SSMEM1: variants seen among roughly 807,000 people sequenced by gnomAD.
SSMEM1 encodes serine-rich single-pass membrane protein 1.
In SSMEM1, 12 loss-of-function variants were observed where a neutral mutation model predicts 9.9. The ratio of observed to expected loss-of-function variants is 1.21; its 90% CI spans 0.78 to 1.96. The LOEUF (loss-of-function observed/expected upper bound fraction) is 1.96. Among genes scored for constraint, SSMEM1 ranks in the 30% most tolerant of loss-of-function variants. The probability of loss-of-function intolerance (pLI) is 0.00; values close to 1 mark genes in which losing one functional copy is unlikely to be tolerated. For synonymous variants in SSMEM1, 96 were observed against 98.9 expected, an observed-to-expected ratio of 0.97 and a Z score of 0.17; for missense variants, 259 against 292.2, an observed-to-expected ratio of 0.89 and a Z score of 0.83.
upstream of SSMEM1, chr7:130,206,983 TAAAA>T (rs530574772): frequency 1.5e-4 from 17 of 109,836 alleles, no homozygotes; most frequent in South Asian, 2.2e-3. Flanking sequence ...GAGACCCTGC[TAAAA>T]AAAAAAAAAA....
rs182597993 is a variant in SSMEM1, at chr7:130,208,864, T to C, written c.183+771T>C. Among the ~76,000 whole-genome samples the C allele has an allele frequency of 2.6e-4, 40 of 151,840 alleles. 1 individual carries two copies. On this transcript the variant is annotated intron_variant, in intron 1 of 2. Transcript: ENST00000297819. ...TCCAACATATTATGAGTAACCAAGC[T>C]CTTTTTTTTTTTTCTTGAGATGGAG...
At chr7:130,212,698 C>A (rs1202830219) in intron 1 of SSMEM1, among the ~76,000 whole-genome samples, 1 of 151,384 alleles carries the variant, frequency 6.6e-6, no homozygotes, top group Non-Finnish European at 1.5e-5. Flanking sequence ...GTACTCTAGC[C>A]TGGGCATACA....
intron 1 of SSMEM1, among the ~76,000 whole-genome samples, chr7:130,213,273 G>A (rs766473199): frequency 1.3e-5 from 2 of 151,984 alleles, no homozygotes; most frequent in Non-Finnish European, 1.5e-5. Context: ...ACTTGAACCC[G>A]GAAGATAGAG....
chr7:130,211,982 A>T (rs1274310261), intron 1 of SSMEM1, among the ~76,000 whole-genome samples: 1 of 152,200 alleles, frequency 6.6e-6, no homozygotes, highest in Non-Finnish European at 1.5e-5. Context: ...TCCTAATTAT[A>T]CTGTGATGAA....
chr7:130,211,448 C>T (rs188878039), intron 1 of SSMEM1, among the ~76,000 whole-genome samples: 33 of 152,202 alleles, frequency 2.2e-4, no homozygotes, highest in East Asian at 1.5e-3. Flanking sequence ...CATGAGCCAC[C>T]GTGTCTGGCC....
chr7:130,206,926 C>A, upstream of SSMEM1: 1 of 200,328 alleles, frequency 5.0e-6, no homozygotes, highest in South Asian at 5.4e-5. Flanking sequence ...GCCGAGGTTG[C>A]GGTGAGCCAA....
intron 1 of SSMEM1, among the ~76,000 whole-genome samples, chr7:130,208,360 A>C (rs1322022729): frequency 6.6e-6 from 1 of 152,324 alleles, no homozygotes; most frequent in Non-Finnish European, 1.5e-5. Context: ...TGCCTTTCCC[A>C]ATATATCTCT....
chr7:130,207,643 A>G, upstream of SSMEM1: 2 of 518,822 alleles, frequency 3.9e-6, no homozygotes, highest in Non-Finnish European at 7.1e-6. Flanking sequence ...AAAATATAGC[A>G]TATACAAGTT....
intron 1 of SSMEM1, among the ~76,000 whole-genome samples, chr7:130,211,023 G>T (rs1301632558): frequency 1.3e-5 from 2 of 151,478 alleles, no homozygotes; most frequent in African/African-American, 4.9e-5. Context: ...TTAACTTTTA[G>T]GTTTATAAAC....
upstream of SSMEM1, among the ~76,000 whole-genome samples, chr7:130,205,792 C>T (rs890297354): frequency 5.9e-5 from 9 of 152,126 alleles, no homozygotes; most frequent in Non-Finnish European, 8.8e-5. Flanking sequence ...AGTGACAAAG[C>T]ATTTCTTTCC....
intron 1 of SSMEM1, among the ~76,000 whole-genome samples, chr7:130,211,261 C>T (rs1057188477): frequency 6.6e-6 from 1 of 151,630 alleles, no homozygotes; most frequent in African/African-American, 2.4e-5. Context: ...AGGTTCACAC[C>T]ATTCTCCTGC....
At chr7:130,212,666 A>G (rs1161382468) in intron 1 of SSMEM1, among the ~76,000 whole-genome samples, 1 of 151,810 alleles carries the variant, frequency 6.6e-6, no homozygotes, top group East Asian at 1.9e-4. Flanking sequence ...CGGAGATTTC[A>G]GTGAGCTGAG....
intron 1 of SSMEM1, among the ~76,000 whole-genome samples, chr7:130,210,849 G>A (rs921126281): frequency 1.3e-5 from 2 of 152,216 alleles, no homozygotes; most frequent in African/African-American, 2.4e-5. Context: ...GACATCAAAT[G>A]TGAGAGCTTT....
chr7:130,208,005 A>G lies in SSMEM1; in HGVS notation c.95A>G (p.Asp32Gly). 1.9e-6 allele frequency: 3 copies of G among 1,614,012 alleles called. No individual in the cohort carries two copies. The highest frequency in any genetic ancestry group is 2.5e-6 in the Non-Finnish European group (3 of 1,179,970). Reference protein sequence around the residue: ...IPNQDYECWKDDSCGTIGSFL... With the variant: ...IPNQDYECWKGDSCGTIGSFL... ...AATCAGGATTATGAATGCTGGAAGG[A>G]TGACTCTTGTGGAACCATAGGGAGC... Residue 32 changes from aspartate (D) to glycine (G), a missense_variant, in exon 1 of 3, where the codon GAT becomes GGT. By Grantham distance (94) the Asp-to-Gly change is moderately conservative. Coordinates refer to ENST00000297819, the MANE Select transcript of SSMEM1 (RefSeq NM_145268.4).
chr7:130,210,267 A>G (rs1368503040), intron 1 of SSMEM1, among the ~76,000 whole-genome samples: 1 of 152,246 alleles, frequency 6.6e-6, no homozygotes, highest in Non-Finnish European at 1.5e-5. Flanking sequence ...GAAGGGTCCC[A>G]GATTTGAAAT....
intron 1 of SSMEM1, 65 bp downstream of exon 1, chr7:130,208,158 T>G (rs1351219151): frequency 7.1e-7 from 1 of 1,403,362 alleles, no homozygotes; most frequent in Non-Finnish European, 9.6e-7. Flanking sequence ...TTCCATAAAA[T>G]ACATTTACTA....
chr7:130,212,638 T>A (rs1798612453), intron 1 of SSMEM1, among the ~76,000 whole-genome samples: 1 of 151,438 alleles, frequency 6.6e-6, no homozygotes, highest in Non-Finnish European at 1.5e-5. Context: ...GACGGGAGAA[T>A]CACTTGAACC....
chr7:130,215,309 C>CAA (rs560790021), intron 2 of SSMEM1, among the ~76,000 whole-genome samples: 5 of 148,942 alleles, frequency 3.4e-5, no homozygotes, highest in African/African-American at 4.9e-5. Flanking sequence ...ATCTCAAAAA[C>CAA]AAAAAAAAAC....
At position 130,216,454 on chromosome 7, in the gene SSMEM1, A is replaced by AGC. The variant is rs1333701501; in HGVS notation, c.719_720insGC (p.Phe241HisfsTer18). ...AGTTCCATATCTGACATTAACAAGA[A>AGC]ATTTAGTAAATTTTGAATTTTATCA... On this transcript the variant is annotated frameshift_variant, in exon 3 of 3. Coordinates refer to ENST00000297819, the MANE Select transcript of SSMEM1 (RefSeq NM_145268.4). LOFTEE classifies it high-confidence loss of function. 6.2e-7 allele frequency: 1 copy of AGC among 1,608,204 alleles called. No homozygotes were observed. Among genetic ancestry groups the AGC allele is most frequent in the South Asian group, 1.1e-5 (1 of 90,766 alleles).
Sources: gnomAD v4.1 joint callset for allele counts (sites outside exome capture counted in the v4.1 genomes callset) on GRCh38, gnomAD v4.1.1 for gene constraint, MANE v1.5 for transcripts, NCBI Gene and HGNC (gene_info 2026-07-23, HGNC 2026-07-21) for gene names.